Variants in RIMKLB observed in about 807,000 individuals in gnomAD.
RIMKLB encodes the protein ribosomal modification protein rimK like family member B.
Under a neutral mutation model 32.0 loss-of-function variants are expected in RIMKLB, and 7 were observed. The ratio of observed to expected loss-of-function variants is 0.22; its 90% CI spans 0.12 to 0.41. RIMKLB has a LOEUF of 0.41. RIMKLB is among the 10% of genes least tolerant of loss of function. The pLI is 1.00. For synonymous variants in RIMKLB, 172 were observed against 185.1 expected, an observed-to-expected ratio of 0.93 and a Z score of 0.57; for missense variants, 289 against 498.7, an observed-to-expected ratio of 0.58 and a Z score of 4.00.
At chr12:8,686,862 A>G (rs1942592703) in intron 1 of RIMKLB, among the ~76,000 whole-genome samples, 1 of 152,198 alleles carries the variant, frequency 6.6e-6, no homozygotes, top group African/African-American at 2.4e-5. Flanking sequence ...GCAGATTTGG[A>G]GAGGGCGCCA....
chr12:8,722,046 T>C (rs1044439209), intron 2 of RIMKLB, among the ~76,000 whole-genome samples: 4 of 152,120 alleles, frequency 2.6e-5, no homozygotes, highest in African/African-American at 7.2e-5. Context: ...GCCTGGCCTA[T>C]GAGTGTTCTT....
chr12:8,772,650 C>T (rs936174171), intron 5 of RIMKLB, among the ~76,000 whole-genome samples: 11 of 152,304 alleles, frequency 7.2e-5, no homozygotes, highest in East Asian at 3.9e-4. Context: ...TCAAACACTA[C>T]GGGTAAACTC....
exon 1 of RIMKLB, chr12:8,681,674 G>C (rs1455176941): frequency 6.6e-6 from 1 of 152,216 alleles, no homozygotes; most frequent in Non-Finnish European, 1.5e-5. Flanking sequence ...AGTGGGTCTT[G>C]ATGAGCTTCC....
At chr12:8,719,218 G>T (rs78057474) in intron 2 of RIMKLB, among the ~76,000 whole-genome samples, 1 of 152,050 alleles carries the variant, frequency 6.6e-6, no homozygotes, top group African/African-American at 2.4e-5. Flanking sequence ...GTTTTTCCAC[G>T]TCTTTTCCTG....
the RIMKLB span, chr12:8,668,668 A>G: frequency 6.6e-6 from 1 of 152,234 alleles, no homozygotes; most frequent in African/African-American, 2.4e-5. Flanking sequence ...AAGATGCCCA[A>G]GTGGCAAGGC....
rs35464055 is a variant in RIMKLB, at chr12:8,761,272, C to CAAA, written c.697+7196_697+7198dup. On this transcript the variant is annotated intron_variant, in intron 5 of 5. Transcript: ENST00000535829. ...AGACGAGAGGGTGAGGGGGAGATAG[C>CAAA]AAAAAAAAAAAAAAAAAAAGAATTT... 4.0e-3 allele frequency among the ~76,000 whole-genome samples: 222 copies of CAAA among 55,878 alleles called. 1 individual carries two copies. Among genetic ancestry groups the CAAA allele is most frequent in the Middle Eastern group, 0.011 (1 of 88 alleles). The allele number at this position is 55,878 out of a possible 152,430, so 36.7% of individuals were successfully genotyped here. A position where few individuals can be genotyped will look rare whatever the true frequency, so the allele number is the denominator to read the frequency against.
intron 5 of RIMKLB, among the ~76,000 whole-genome samples, chr12:8,765,683 C>T (rs981204044): frequency 5.9e-5 from 9 of 152,038 alleles, no homozygotes; most frequent in Admixed American, 2.6e-4. Context: ...GGGGCATAAT[C>T]GGGAAATATT....
At chr12:8,706,386 C>T (rs2136811293) in intron 1 of RIMKLB, among the ~76,000 whole-genome samples, 1 of 151,486 alleles carries the variant, frequency 6.6e-6, no homozygotes, top group Non-Finnish European at 1.5e-5. Flanking sequence ...GTGAGGTGAT[C>T]CACCTGCCTC....
chr12:8,764,458 A>C (rs957794006), intron 5 of RIMKLB, among the ~76,000 whole-genome samples: 1 of 152,228 alleles, frequency 6.6e-6, no homozygotes, highest in Non-Finnish European at 1.5e-5. Flanking sequence ...AAAGTTCTCC[A>C]GTCACAACTT....
At chr12:8,716,768 G>A (rs915669985) in intron 2 of RIMKLB, among the ~76,000 whole-genome samples, 1 of 122,342 alleles carries the variant, frequency 8.2e-6, no homozygotes, top group Non-Finnish European at 1.6e-5. Context: ...ACGGGGTCTC[G>A]CTCTGTCACC....
In RIMKLB at chr12:8,716,855, G is replaced by A. The variant is rs941503912; in HGVS notation, c.175+2814G>A. Among the ~76,000 whole-genome samples the A allele has an allele frequency of 5.4e-5, 8 of 148,902 alleles. No homozygotes were observed. In the South Asian group the frequency reaches 6.3e-4, roughly 12 times the overall value. ...AGGCTCAAGCGATCTTCCCACCTCA[G>A]TAGCTCTTTCTTTTTCAAAATTGTG... On this transcript the variant is annotated intron_variant, in intron 2 of 5. Transcript: ENST00000535829.
chr12:8,719,621 G>A (rs144732102), intron 2 of RIMKLB, among the ~76,000 whole-genome samples: 242 of 152,148 alleles, frequency 1.6e-3, no homozygotes, highest in African/African-American at 5.6e-3. Flanking sequence ...CGCCCGCCTC[G>A]GCCTACCAAG....
chr12:8,771,077 C>T (rs879844877), intron 5 of RIMKLB, among the ~76,000 whole-genome samples: 8 of 152,220 alleles, frequency 5.3e-5, no homozygotes, highest in South Asian at 4.1e-4. Context: ...GGAGCCTCTA[C>T]GTGTCCAGCT....
chr12:8,702,258 T>C lies in RIMKLB; in HGVS notation c.-57+3961T>C, dbSNP rs1015527318. Among the ~76,000 whole-genome samples, 3 of 152,238 alleles carry C rather than the reference T, an allele frequency of 2.0e-5. No homozygotes were observed. In the East Asian group the frequency reaches 5.8e-4, roughly 29 times the overall value. On this transcript the variant is annotated intron_variant, in intron 1 of 5. Transcript: ENST00000535829. ...CTAATTTTGGTAATCTCTGTATTTT[T>C]TATCTGTCTATCAGTTATCCGAGCA...
chr12:8,670,026 C>CAAAA, the RIMKLB span, among the ~76,000 whole-genome samples: 107 of 36,446 alleles, frequency 2.9e-3, 1 homozygote, highest in African/African-American at 7.2e-3. Flanking sequence ...GACTCCGTCT[C>CAAAA]AAAAAAAAAA....
intron 2 of RIMKLB, among the ~76,000 whole-genome samples, chr12:8,749,258 T>C (rs1324650545): frequency 1.3e-5 from 2 of 151,546 alleles, no homozygotes; most frequent in African/African-American, 4.9e-5. Flanking sequence ...GTCACCAGGC[T>C]GGAGTGCAGT....
intron 4 of RIMKLB, 55 bp from the exon 5 acceptor site, chr12:8,753,835 A>G (rs1020885228): frequency 1.5e-6 from 2 of 1,354,256 alleles, no homozygotes; most frequent in African/African-American, 2.9e-5. Context: ...GATAATAGGT[A>G]TCATCTGCCC....
At chr12:8,674,695 A>G in the RIMKLB span, among the ~76,000 whole-genome samples, 41 of 150,174 alleles carry the variant, frequency 2.7e-4, no homozygotes, top group African/African-American at 1.0e-3. Flanking sequence ...GATTAGAGGC[A>G]TGTGACACCA....
At chr12:8,668,832 G>A in the RIMKLB span, 27 of 152,116 alleles carry the variant, frequency 1.8e-4, no homozygotes, top group Non-Finnish European at 1.5e-5. Context: ...TGAGCCAAAG[G>A]TACCCAGCTA....
Sources: allele counts gnomAD v4.1 joint callset (sites outside exome capture counted in the v4.1 genomes callset), GRCh38; gene constraint gnomAD v4.1.1; transcripts MANE v1.5; gene names NCBI Gene and HGNC (gene_info 2026-07-23, HGNC 2026-07-21).